Variants in CCDC93 observed in about 807,000 individuals in gnomAD.
The protein encoded by CCDC93 is coiled-coil domain-containing protein 93.
CCDC93 carries 61 observed loss-of-function variants against 108.2 expected under a neutral mutation model. That is an observed-to-expected ratio of 0.56 (90% CI 0.46 to 0.70). The LOEUF is 0.70. Among genes scored for constraint, CCDC93 ranks in the 30% least tolerant of loss-of-function variants. The pLI, the probability that CCDC93 is intolerant of heterozygous loss-of-function variation, is 0.00. For missense variants in CCDC93, 685 were observed against 764.2 expected (o/e 0.90, Z 1.22); for synonymous variants, 276 against 260.4 (o/e 1.06, Z -0.58).
At chr2:117,930,351 C>A (rs1005932092) in intron 23 of CCDC93, among the ~76,000 whole-genome samples, 1 of 152,088 alleles carries the variant, frequency 6.6e-6, no homozygotes, top group Non-Finnish European at 1.5e-5. Flanking sequence ...TAGCAAGGGA[C>A]CAAATGAAGT....
intron 6 of CCDC93, among the ~76,000 whole-genome samples, chr2:117,991,392 T>C (rs1680470287): frequency 1.3e-5 from 2 of 152,138 alleles, no homozygotes; most frequent in Admixed American, 1.3e-4. Context: ...TCAGTAATAG[T>C]ACTGCAAAAC....
chr2:117,984,604 C>T (rs1005883804), intron 7 of CCDC93, among the ~76,000 whole-genome samples: 4 of 152,200 alleles, frequency 2.6e-5, no homozygotes, highest in Non-Finnish European at 5.9e-5. Context: ...TACTGAATTT[C>T]TAACTCCTTT....
Position 117,996,295 on chromosome 2 carries a change from G to C in CCDC93, c.431C>G (p.Ser144Cys). The change falls in exon 5 of 24, where the codon TCC (serine) becomes TGC (cysteine). Residue 144 changes from serine (S) to cysteine (C), a missense_variant. Transcript: ENST00000376300. The stretch of plus-strand genomic sequence containing the variant: ...GAGACTGTAAGTCTTCTGGAACTGG[G>C]ATACAGAGTAGGAGCGGATATAGTC... ...MGDYIRSYSV[S>C]QFQKTYSLPE... 6.2e-7 allele frequency: 1 copy of C among 1,613,226 alleles called. No homozygotes were observed. The highest frequency in any genetic ancestry group is 1.7e-5 in the Admixed American group (1 of 60,020).
intron 3 of CCDC93, chr2:118,001,139 T>A: frequency 2.2e-6 from 1 of 460,916 alleles, no homozygotes; most frequent in Non-Finnish European, 3.9e-6. Flanking sequence ...AAAACTGCCT[T>A]CATCCTTTAT....
chr2:117,985,199 A>C (rs183044454), intron 7 of CCDC93, among the ~76,000 whole-genome samples: 2 of 152,268 alleles, frequency 1.3e-5, no homozygotes, highest in East Asian at 1.9e-4. Flanking sequence ...AAACTAGAAT[A>C]ATTAAACCTA....
At chr2:118,004,370 T>C (rs868499872) in intron 3 of CCDC93, among the ~76,000 whole-genome samples, 3 of 152,178 alleles carry the variant, frequency 2.0e-5, no homozygotes, top group Non-Finnish European at 4.4e-5. Flanking sequence ...AAGTAGAGGA[T>C]AGAAGCTTAT....
chr2:117,950,935 T>C (rs1290587406), intron 13 of CCDC93: 4 of 985,314 alleles, frequency 4.1e-6, no homozygotes, highest in Non-Finnish European at 4.8e-6. Context: ...GCAGGAATGA[T>C]ATGCCCAGAG....
chr2:117,919,647 A>C lies in CCDC93; in HGVS notation c.*696T>G, dbSNP rs1677796713. On this transcript the variant is annotated 3_prime_UTR_variant, in exon 24 of 24. Coordinates refer to ENST00000376300, the MANE Select transcript of CCDC93 (RefSeq NM_019044.5). ...TGTCCTCAGCACAAGGTCTGTTTTC[A>C]ATTTTCTGAGAAATCAACTTGAGTA... The C allele has an allele frequency of 6.6e-6, 1 of 152,170 alleles. No homozygotes were observed. The highest frequency in any genetic ancestry group is 1.5e-5 in the Non-Finnish European group (1 of 68,042). The allele number at this position is 152,170 out of a possible 1,614,324, so 9.4% of individuals were successfully genotyped here. A position where few individuals can be genotyped will look rare whatever the true frequency, so the allele number is the denominator to read the frequency against.
chr2:117,996,914 A>G (rs1680671180), intron 4 of CCDC93: 1 of 153,074 alleles, frequency 6.5e-6, no homozygotes, highest in Non-Finnish European at 1.5e-5. Flanking sequence ...CATACTGAGT[A>G]CGCAGTTGAA....
intron 1 of CCDC93, among the ~76,000 whole-genome samples, chr2:118,012,313 C>G (rs1383273529): frequency 1.3e-5 from 2 of 151,884 alleles, no homozygotes; most frequent in Non-Finnish European, 2.9e-5. Context: ...ATTAACTGGT[C>G]TAGTGACATC....
intron 6 of CCDC93, among the ~76,000 whole-genome samples, chr2:117,992,758 G>A (rs1680515585): frequency 6.7e-6 from 1 of 149,860 alleles, no homozygotes; most frequent in South Asian, 2.1e-4. Context: ...TGGGATTGTT[G>A]TGAGGACTAG....
In CCDC93 at chr2:117,975,283, G is replaced by T. The variant is rs771440814; in HGVS notation, c.658-3C>A. ...AGTGCCGTTTTCTTGTCCTCAGCCT[G>T]CAAGGGAAGATGTGAAAACAGCTGA... On this transcript the variant is annotated splice_polypyrimidine_tract_variant and splice_region_variant and intron_variant, in intron 8 of 23. Coordinates refer to ENST00000376300, the MANE Select transcript of CCDC93 (RefSeq NM_019044.5). The T allele has an allele frequency of 5.0e-6, 8 of 1,609,902 alleles. No individual in the cohort carries two copies. The highest frequency in any genetic ancestry group is 5.9e-6 in the Non-Finnish European group (7 of 1,177,820).
chr2:117,981,754 T>C (rs79045315), intron 7 of CCDC93, among the ~76,000 whole-genome samples: 3,414 of 152,270 alleles, frequency 0.022, 133 homozygotes, highest in African/African-American at 0.079. Flanking sequence ...TAAATTTAAC[T>C]TAATTAAAAT....
At chr2:117,976,881 T>C (rs1190314645) in intron 8 of CCDC93, among the ~76,000 whole-genome samples, 1 of 149,540 alleles carries the variant, frequency 6.7e-6, no homozygotes, top group Non-Finnish European at 1.5e-5. Flanking sequence ...GAGTGTGTCC[T>C]GTTCAAGAAA....
At chr2:117,962,317 G>T (rs948692211) in intron 11 of CCDC93, among the ~76,000 whole-genome samples, 5 of 152,120 alleles carry the variant, frequency 3.3e-5, no homozygotes, top group Admixed American at 3.3e-4. Context: ...CTAAATAGAT[G>T]GACTTCAATT....
chr2:117,987,046 A>T (rs1680343216), intron 6 of CCDC93, among the ~76,000 whole-genome samples: 1 of 152,222 alleles, frequency 6.6e-6, no homozygotes, highest in African/African-American at 2.4e-5. Context: ...AAAAAAAAAA[A>T]AAAAAAAGGA....
intron 11 of CCDC93, among the ~76,000 whole-genome samples, chr2:117,973,068 A>C (rs1679815328): frequency 6.6e-6 from 1 of 152,138 alleles, no homozygotes; most frequent in Non-Finnish European, 1.5e-5. Flanking sequence ...ACTGTTTCCC[A>C]AAAGTCTTGG....
At chr2:118,008,512 G>C (rs1450366410) in intron 2 of CCDC93, 33 bp downstream of exon 2, 13 of 1,186,964 alleles carry the variant, frequency 1.1e-5, no homozygotes, top group Non-Finnish European at 1.6e-5. Flanking sequence ...TCTGACAAAA[G>C]ATAGTGTAAT....
In CCDC93 at chr2:117,917,012, G is replaced by A. The variant is rs1213001787; in HGVS notation, c.*3331C>T. On this transcript the variant is annotated 3_prime_UTR_variant, in exon 24 of 24. Coordinates refer to ENST00000376300, the MANE Select transcript of CCDC93 (RefSeq NM_019044.5). ...TTACTTTGAGGCCAACACCAGCCAT[G>A]AGTAAATCATAAAGTGCTTCCTTAA... 6.6e-6 allele frequency: 1 copy of A among 152,224 alleles called. No individual in the cohort carries two copies. Among genetic ancestry groups the A allele is most frequent in the Non-Finnish European group, 1.5e-5 (1 of 68,058 alleles). The allele number at this position is 152,224 out of a possible 1,614,324, so 9.4% of individuals were successfully genotyped here. A position where few individuals can be genotyped will look rare whatever the true frequency, so the allele number is the denominator to read the frequency against.
Sources: gnomAD v4.1 joint callset for allele counts (sites outside exome capture counted in the v4.1 genomes callset) on GRCh38, gnomAD v4.1.1 for gene constraint, MANE v1.5 for transcripts, NCBI Gene and HGNC (gene_info 2026-07-23, HGNC 2026-07-21) for gene names.